TMC1: variants seen among roughly 807,000 people sequenced by gnomAD.
TMC1 encodes the protein transmembrane channel-like protein 1.
Under a neutral mutation model 105.8 loss-of-function variants are expected in TMC1, and 84 were observed. The ratio of observed to expected loss-of-function variants is 0.79; its 90% CI spans 0.67 to 0.95. The LOEUF is 0.95. Ranked by LOEUF, TMC1 falls within the 40% of genes least tolerant of loss-of-function variation. The probability of loss-of-function intolerance (pLI) is 0.00; values close to 1 mark genes in which losing one functional copy is unlikely to be tolerated. For synonymous variants in TMC1, 315 were observed against 311.5 expected, an observed-to-expected ratio of 1.01 and a Z score of -0.12; for missense variants, 817 against 914.1, an observed-to-expected ratio of 0.89 and a Z score of 1.37.
intron 8 of TMC1, among the ~76,000 whole-genome samples, chr9:72,720,420 G>A (rs1024145106): frequency 2.6e-5 from 4 of 152,136 alleles, no homozygotes; most frequent in East Asian, 3.9e-4. Context: ...TAGCAATATC[G>A]TGAGATCATG....
intron 18 of TMC1, among the ~76,000 whole-genome samples, chr9:72,814,277 A>G (rs564118344): frequency 1.3e-5 from 2 of 152,294 alleles, no homozygotes; most frequent in South Asian, 2.1e-4. Flanking sequence ...GTGATCACAC[A>G]GGGCTCCAGG....
Position 72,539,661 on chromosome 9 carries a change from C to T in TMC1, c.-428+17748C>T, listed in dbSNP as rs142008466. 3.3e-3 allele frequency among the ~76,000 whole-genome samples: 502 copies of T among 152,234 alleles called. 7 individuals carry two copies. The highest frequency in any genetic ancestry group is 0.011 in the African/African-American group (456 of 41,528). ...CACTTAACTAATCTCTAAGAAGTTC[C>T]AAACTTTCCCTCATCTGCCTGTCTT... On this transcript the variant is annotated intron_variant, in intron 1 of 23. Transcript: ENST00000297784.
At chr9:72,736,410 G>A (rs1309852932) in intron 8 of TMC1, among the ~76,000 whole-genome samples, 3 of 152,024 alleles carry the variant, frequency 2.0e-5, no homozygotes, top group African/African-American at 4.8e-5. Flanking sequence ...TAATGTTCAC[G>A]AGCTCACAAA....
Position 72,726,556 on chromosome 9 carries a change from A to C in TMC1, c.363-13563A>C, listed in dbSNP as rs556162566. 1.9e-3 allele frequency among the ~76,000 whole-genome samples: 290 copies of C among 152,272 alleles called. 3 individuals are homozygous for C. Among genetic ancestry groups the C allele is most frequent in the African/African-American group, 6.5e-3 (271 of 41,552 alleles). On this transcript the variant is annotated intron_variant, in intron 8 of 23. Coordinates refer to ENST00000297784, the MANE Select transcript of TMC1 (RefSeq NM_138691.3). The stretch of plus-strand genomic sequence containing the variant: ...TGCACTTACCCAAGCTGTGTTCCCC[A>C]ATTGCTTAGGACAGTCTTCCATGTC...
chr9:72,601,781 T>G (rs1269628827), intron 2 of TMC1, among the ~76,000 whole-genome samples: 1 of 152,212 alleles, frequency 6.6e-6, no homozygotes, highest in Non-Finnish European at 1.5e-5. Flanking sequence ...CCTTCAAGGT[T>G]AGAATGAGCT....
At chr9:72,677,129 TACACACACACAC>T (rs71495332) in intron 5 of TMC1, among the ~76,000 whole-genome samples, 4 of 145,124 alleles carry the variant, frequency 2.8e-5, no homozygotes, top group East Asian at 2.0e-4. Context: ...GAACAGAAAT[TACACACACACAC>T]ACACACACAC....
chr9:72,766,835 G>T (rs956367111), intron 12 of TMC1, among the ~76,000 whole-genome samples: 7 of 152,168 alleles, frequency 4.6e-5, no homozygotes, highest in Non-Finnish European at 1.0e-4. Flanking sequence ...ATGAATCTGG[G>T]TTGGAGCAAA....
At chr9:72,685,752 A>G (rs1362594156) in intron 5 of TMC1, among the ~76,000 whole-genome samples, 1 of 152,284 alleles carries the variant, frequency 6.6e-6, no homozygotes, top group South Asian at 2.1e-4. Context: ...ATCCAAGAGC[A>G]TTTTCTCTAT....
rs145149557 is a variant in TMC1 at position 72,677,853 on chromosome 9, A to T, written c.17-10856A>T. On this transcript the variant is annotated intron_variant, in intron 5 of 23. Transcript: ENST00000297784. ...ACCATTGAGCATCTGCCGTGTTAAC[A>T]CTCTGAACAAGATCCTGTAATATGA... Among the ~76,000 whole-genome samples the T allele has an allele frequency of 3.9e-5, 6 of 152,222 alleles. No individual in the cohort carries two copies. In the East Asian group the frequency reaches 9.6e-4, roughly 24 times the overall value.
At chr9:72,690,809 G>T (rs1826453062) in intron 6 of TMC1, among the ~76,000 whole-genome samples, 1 of 151,992 alleles carries the variant, frequency 6.6e-6, no homozygotes, top group South Asian at 2.1e-4. Flanking sequence ...ATTTATTTGG[G>T]TTCACATAAT....
chr9:72,613,256 T>C (rs1180145704), intron 2 of TMC1, among the ~76,000 whole-genome samples: 3 of 151,744 alleles, frequency 2.0e-5, no homozygotes, highest in Admixed American at 2.0e-4. Flanking sequence ...CTCAGCCTCC[T>C]GAGTAGCTGG....
intron 2 of TMC1, among the ~76,000 whole-genome samples, chr9:72,592,922 C>T (rs1326406501): frequency 6.6e-6 from 1 of 152,076 alleles, no homozygotes; most frequent in Non-Finnish European, 1.5e-5. Flanking sequence ...GTGTGTGAAC[C>T]AGCAATAGCG....
intron 5 of TMC1, among the ~76,000 whole-genome samples, chr9:72,663,280 G>A (rs1825993792): frequency 6.6e-6 from 1 of 152,142 alleles, no homozygotes; most frequent in Non-Finnish European, 1.5e-5. Context: ...ACTGGTTGGT[G>A]GGTCCAGGTG....
At chr9:72,569,670 G>A (rs1246264474) in intron 1 of TMC1, among the ~76,000 whole-genome samples, 2 of 152,196 alleles carry the variant, frequency 1.3e-5, no homozygotes, top group Non-Finnish European at 2.9e-5. Flanking sequence ...CGGGGCTACA[G>A]TGTGCATGGA....
In TMC1 at chr9:72,606,322, G is replaced by A. The variant is rs553801277; in HGVS notation, c.-305-10046G>A. Among the ~76,000 whole-genome samples, 48 of 151,616 alleles carry A rather than the reference G, an allele frequency of 3.2e-4. 1 individual carries two copies. Among genetic ancestry groups the A allele is most frequent in the African/African-American group, 1.1e-3 (46 of 41,026 alleles). ...AAGCATGGAATGGGGGTTGGGGATG[G>A]GATAAGAGAGAGAGAATCCAAGACA... On this transcript the variant is annotated intron_variant, in intron 2 of 23. Transcript: ENST00000297784.
chr9:72,827,052 T>C, intron 21 of TMC1, 58 bp downstream of exon 21: 2 of 1,611,386 alleles, frequency 1.2e-6, no homozygotes, highest in Non-Finnish European at 1.7e-6. Context: ...TGGCTGTTTT[T>C]ACATTTCAGC....
intron 1 of TMC1, among the ~76,000 whole-genome samples, chr9:72,570,502 T>C (rs937030476): frequency 3.3e-5 from 5 of 152,010 alleles, no homozygotes; most frequent in Admixed American, 6.6e-5. Flanking sequence ...TAGTATATTC[T>C]TTTATGTGGC....
At chr9:72,659,377 A>G (rs1021175900) in intron 5 of TMC1, among the ~76,000 whole-genome samples, 48 of 152,154 alleles carry the variant, frequency 3.2e-4, no homozygotes, top group Non-Finnish European at 5.3e-4. Context: ...GTTCATGCCT[A>G]TAATCCCAGA....
At chr9:72,699,039 T>C (rs1826598305) in intron 7 of TMC1, among the ~76,000 whole-genome samples, 1 of 152,120 alleles carries the variant, frequency 6.6e-6, no homozygotes, top group Non-Finnish European at 1.5e-5. Flanking sequence ...GAAATATGAC[T>C]CACAAAATAC....
Sources: gnomAD v4.1 joint callset for allele counts (sites outside exome capture counted in the v4.1 genomes callset) on GRCh38, gnomAD v4.1.1 for gene constraint, MANE v1.5 for transcripts, NCBI Gene and HGNC (gene_info 2026-07-23, HGNC 2026-07-21) for gene names.